EPB41L4A: variants seen among roughly 807,000 people sequenced by gnomAD.
EPB41L4A encodes the protein band 4.1-like protein 4A.
EPB41L4A carries 100 observed loss-of-function variants against 108.6 expected under a neutral mutation model. That is an observed-to-expected ratio of 0.92 (90% CI 0.78 to 1.09). The LOEUF is 1.09. EPB41L4A is among the 50% of genes least tolerant of loss of function. The pLI, the probability that EPB41L4A is intolerant of heterozygous loss-of-function variation, is 0.00. For synonymous variants in EPB41L4A, 319 were observed against 289.0 expected (o/e 1.10, Z -1.05); for missense variants, 1,030 against 842.7 (o/e 1.22, Z -2.75).
At chr5:112,347,728 T>C (rs936515824) in intron 1 of EPB41L4A, among the ~76,000 whole-genome samples, 1 of 152,138 alleles carries the variant, frequency 6.6e-6, no homozygotes, top group Non-Finnish European at 1.5e-5. Flanking sequence ...TGTGAACTAG[T>C]GGAAAATTAG....
chr5:112,165,059 G>T lies in EPB41L4A; in HGVS notation c.1992C>A (p.Asn664Lys). 1 of 1,612,480 alleles carries T rather than the reference G, an allele frequency of 6.2e-7. No individual in the cohort carries two copies. The highest frequency in any genetic ancestry group is 8.5e-7 in the Non-Finnish European group (1 of 1,178,626). The change falls in exon 23 of 23, where the codon AAC (asparagine) becomes AAA (lysine). Residue 664 changes from asparagine (N) to lysine (K), a missense_variant. Physicochemically the swap from Asn to Lys is moderately conservative, Grantham distance 94. Coordinates refer to ENST00000261486, the MANE Select transcript of EPB41L4A (RefSeq NM_022140.5). The part of the protein sequence containing the change: ...MEEKPQTSTN[N>K]LAGKHTAKTI... The stretch of plus-strand genomic sequence containing the variant: ...TTTTTGCTGTGTGTTTTCCAGCCAG[G>T]TTGTTTGTAGATGTCTGAGGTTTTT...
intron 1 of EPB41L4A, among the ~76,000 whole-genome samples, chr5:112,381,696 G>C (rs1484592587): frequency 1.3e-5 from 2 of 152,374 alleles, no homozygotes; most frequent in East Asian, 1.9e-4. Flanking sequence ...CTGGGATGCT[G>C]CCTTGACACT....
chr5:112,346,216 A>ATTTTTTTT (rs561328868), intron 1 of EPB41L4A, among the ~76,000 whole-genome samples: 9,021 of 66,958 alleles, frequency 0.13, 2,732 homozygotes, highest in East Asian at 0.35. Flanking sequence ...GGTACATTGC[A>ATTTTTTTT]TTTTTTTTTT....
chr5:112,239,636 C>T (rs776900190), intron 11 of EPB41L4A, 24 bp downstream of exon 11: 12 of 1,504,736 alleles, frequency 8.0e-6, no homozygotes, highest in Non-Finnish European at 1.1e-5. Flanking sequence ...AACACATCCC[C>T]CCAAGGAAAA....
chr5:112,411,683 G>A (rs1043035808), intron 1 of EPB41L4A, among the ~76,000 whole-genome samples: 1 of 152,056 alleles, frequency 6.6e-6, no homozygotes, highest in Non-Finnish European at 1.5e-5. Context: ...GGCAGACAAG[G>A]ATTTGATTGA....
At chr5:112,232,307 C>G (rs1176036928) in intron 12 of EPB41L4A, among the ~76,000 whole-genome samples, 1 of 152,156 alleles carries the variant, frequency 6.6e-6, no homozygotes, top group African/African-American at 2.4e-5. Context: ...CGTGTTCTCT[C>G]TCAATGGACT....
chr5:112,401,205 T>C (rs917912822), intron 1 of EPB41L4A, among the ~76,000 whole-genome samples: 3 of 152,196 alleles, frequency 2.0e-5, no homozygotes, highest in Non-Finnish European at 2.9e-5. Flanking sequence ...AAAAAGTTGA[T>C]TGTGACTCCA....
rs546216777 is a variant in EPB41L4A, at chr5:112,348,422, C to T, written c.100-40932G>A. Reference sequence around the variant, plus strand: ...CATTTTCAGATATGATAAATAATAACGTAGCCAAAACCTACTTTATGGGAA... The same window carrying T: ...CATTTTCAGATATGATAAATAATAATGTAGCCAAAACCTACTTTATGGGAA... On this transcript the variant is annotated intron_variant, in intron 1 of 22. Coordinates refer to ENST00000261486, the MANE Select transcript of EPB41L4A (RefSeq NM_022140.5). 6.6e-5 allele frequency among the ~76,000 whole-genome samples: 10 copies of T among 152,244 alleles called. No individual in the cohort carries two copies. The South Asian group carries it at 1.7e-3, about 25-fold the overall frequency.
chr5:112,162,382 CTT>C (rs1759962577), downstream of EPB41L4A: 1 of 152,174 alleles, frequency 6.6e-6, no homozygotes. Flanking sequence ...AGGAGGGGTT[CTT>C]TTTTGATCAG....
chr5:112,358,066 C>G (rs1758478698), intron 1 of EPB41L4A, among the ~76,000 whole-genome samples: 1 of 152,238 alleles, frequency 6.6e-6, no homozygotes, highest in Non-Finnish European at 1.5e-5. Context: ...TGAACGCTGA[C>G]CTGGCCTTTG....
intron 1 of EPB41L4A, among the ~76,000 whole-genome samples, chr5:112,377,279 A>G (rs900107096): frequency 2.0e-5 from 3 of 152,090 alleles, no homozygotes; most frequent in African/African-American, 7.2e-5. Context: ...TGTACCTTGA[A>G]TATATCGATT....
chr5:112,255,439 T>A (rs1479411142), intron 9 of EPB41L4A, among the ~76,000 whole-genome samples: 2 of 152,194 alleles, frequency 1.3e-5, no homozygotes, highest in African/African-American at 4.8e-5. Flanking sequence ...ACAGGGGAAC[T>A]GCTGGGTTGA....
chr5:112,311,205 T>C (rs1276138431), intron 1 of EPB41L4A, among the ~76,000 whole-genome samples: 2 of 152,122 alleles, frequency 1.3e-5, no homozygotes, highest in Non-Finnish European at 2.9e-5. Flanking sequence ...TCAGGCAATC[T>C]ACCACCTTCA....
intron 12 of EPB41L4A, among the ~76,000 whole-genome samples, chr5:112,214,539 G>A (rs908689485): frequency 9.2e-5 from 14 of 152,040 alleles, no homozygotes; most frequent in African/African-American, 1.2e-4. Context: ...CGAGGCGGGC[G>A]GATCATGAGG....
chr5:112,317,204 T>A (rs895794923), intron 1 of EPB41L4A, among the ~76,000 whole-genome samples: 3 of 152,264 alleles, frequency 2.0e-5, no homozygotes, highest in Non-Finnish European at 2.9e-5. Context: ...ATATGCTTTA[T>A]GTTTTTCTTC....
At chr5:112,186,070 A>C (rs1252357411) in intron 17 of EPB41L4A, among the ~76,000 whole-genome samples, 2 of 152,168 alleles carry the variant, frequency 1.3e-5, no homozygotes, top group African/African-American at 4.8e-5. Context: ...TGCTGGGCCC[A>C]GGATTGGACA....
At position 112,380,707 on chromosome 5, in the gene EPB41L4A, A is replaced by G. The variant is rs541332344; in HGVS notation, c.99+38234T>C. ...GATTATATATTACAAAGCACAGGGG[A>G]AAAAAATGAAATGTCCCCAATTATA... is the stretch of plus-strand genomic sequence containing the variant. On this transcript the variant is annotated intron_variant, in intron 1 of 22. Coordinates refer to ENST00000261486, the MANE Select transcript of EPB41L4A (RefSeq NM_022140.5). 4.6e-5 allele frequency among the ~76,000 whole-genome samples: 7 copies of G among 151,674 alleles called. No individual in the cohort carries two copies. In the South Asian group the frequency reaches 1.2e-3, roughly 27 times the overall value.
intron 13 of EPB41L4A, among the ~76,000 whole-genome samples, chr5:112,208,507 A>G (rs752961636): frequency 2.0e-5 from 3 of 152,182 alleles, no homozygotes; most frequent in East Asian, 1.9e-4. Flanking sequence ...GTTCTCACTT[A>G]TAAGTGGGAA....
At chr5:112,309,181 C>A (rs1369887555) in intron 1 of EPB41L4A, among the ~76,000 whole-genome samples, 1 of 152,138 alleles carries the variant, frequency 6.6e-6, no homozygotes, top group Non-Finnish European at 1.5e-5. Flanking sequence ...CCAAAAAAAG[C>A]CATCATTTCC....
Sources: allele counts gnomAD v4.1 joint callset (sites outside exome capture counted in the v4.1 genomes callset), GRCh38; gene constraint gnomAD v4.1.1; transcripts MANE v1.5; gene names NCBI Gene and HGNC (gene_info 2026-07-23, HGNC 2026-07-21).